Variants in MBOAT2 observed in about 807,000 individuals in gnomAD.
MBOAT2 encodes membrane bound glycerophospholipid O-acyltransferase 2, also known as membrane-bound glycerophospholipid O-acyltransferase 2.
In MBOAT2, 28 loss-of-function variants were observed where a neutral mutation model predicts 63.4. The ratio of observed to expected loss-of-function variants is 0.44; its 90% CI spans 0.33 to 0.61. MBOAT2 has a LOEUF of 0.61. MBOAT2 is among the 20% of genes least tolerant of loss of function. The pLI is 0.03. For missense variants in MBOAT2, 470 were observed against 605.8 expected, an observed-to-expected ratio of 0.78 and a Z score of 2.35; for synonymous variants, 211 against 215.6, an observed-to-expected ratio of 0.98 and a Z score of 0.19.
chr2:8,889,282 C>T (rs1289889652), intron 4 of MBOAT2, among the ~76,000 whole-genome samples: 2 of 152,192 alleles, frequency 1.3e-5, no homozygotes, highest in Non-Finnish European at 2.9e-5. Flanking sequence ...GGTCAGCAAA[C>T]GGCAGCAAGG....
rs374280551 is a variant in MBOAT2, at chr2:8,864,152, G to C, written c.1052+18C>G. 5.2e-6 allele frequency: 8 copies of C among 1,550,018 alleles called. No individual in the cohort carries two copies. The highest frequency in any genetic ancestry group is 7.0e-6 in the Non-Finnish European group (8 of 1,149,712). On this transcript the variant is annotated intron_variant, in intron 10 of 12. Coordinates refer to ENST00000305997, the MANE Select transcript of MBOAT2 (RefSeq NM_138799.4). Reference sequence around the variant, plus strand: ...AGACGCCAAAGCACATCTAAAGATCGTTTTTGAAGGAACGCACCTTTTGAG... The same window carrying C: ...AGACGCCAAAGCACATCTAAAGATCCTTTTTGAAGGAACGCACCTTTTGAG...
intron 3 of MBOAT2, among the ~76,000 whole-genome samples, chr2:8,932,680 C>G (rs1384478140): frequency 6.6e-6 from 1 of 152,050 alleles, no homozygotes; most frequent in African/African-American, 2.4e-5. Context: ...CTCAGTGTCC[C>G]CATCTGTACA....
rs532176676 is a variant in MBOAT2 at position 8,982,427 on chromosome 2, T to C, written c.75+21113A>G. Among the ~76,000 whole-genome samples the C allele has an allele frequency of 2.1e-4, 32 of 152,310 alleles. No homozygotes were observed. The South Asian group carries it at 5.8e-3, about 28-fold the overall frequency. ...CTAATTCATAAAAATCAATTCTAGT[T>C]CTTCGCGAACCTTGTCCAATATATA... On this transcript the variant is annotated intron_variant, in intron 1 of 12. Transcript: ENST00000305997.
chr2:8,922,374 C>T (rs1666639995), intron 3 of MBOAT2, among the ~76,000 whole-genome samples: 1 of 152,168 alleles, frequency 6.6e-6, no homozygotes, highest in South Asian at 2.1e-4. Context: ...CTGTTTTCCT[C>T]GTTTCTCTTA....
At position 8,979,510 on chromosome 2, in the gene MBOAT2, A is replaced by G. The variant is rs1671057643; in HGVS notation, c.76-20868T>C. On this transcript the variant is annotated intron_variant, in intron 1 of 12. Transcript: ENST00000305997. ...ACCGTGATTCTTATCTGTTTTGTTC[A>G]TTGTATCCCCCAGCACCTAGTCCCA... is the stretch of plus-strand genomic sequence containing the variant. Among the ~76,000 whole-genome samples, 3 of 152,034 alleles carry G rather than the reference A, an allele frequency of 2.0e-5. No individual in the cohort carries two copies. In the South Asian group the frequency reaches 6.2e-4, roughly 32 times the overall value.
intron 2 of MBOAT2, among the ~76,000 whole-genome samples, chr2:8,946,598 T>C (rs1465096933): frequency 6.6e-6 from 1 of 152,214 alleles, no homozygotes; most frequent in African/African-American, 2.4e-5. Context: ...TAGCACGTGC[T>C]GAGACTTCAT....
intron 3 of MBOAT2, among the ~76,000 whole-genome samples, chr2:8,914,522 G>C (rs934292352): frequency 4.0e-5 from 6 of 151,280 alleles, no homozygotes; most frequent in African/African-American, 7.3e-5. Flanking sequence ...TGTTTTGTGA[G>C]AATCAACGAG....
At chr2:8,995,800 C>T (rs1163128644) in intron 1 of MBOAT2, among the ~76,000 whole-genome samples, 1 of 152,068 alleles carries the variant, frequency 6.6e-6, no homozygotes, top group Non-Finnish European at 1.5e-5. Flanking sequence ...ACCGTGTTAG[C>T]CAGAATGGTC....
chr2:8,969,144 G>A (rs985618418), intron 1 of MBOAT2, among the ~76,000 whole-genome samples: 3 of 152,076 alleles, frequency 2.0e-5, no homozygotes, highest in South Asian at 2.1e-4. Flanking sequence ...ATCCACAAAG[G>A]GAAGCCCATC....
intron 4 of MBOAT2, among the ~76,000 whole-genome samples, chr2:8,906,209 A>T (rs531958873): frequency 2.2e-4 from 33 of 152,330 alleles, no homozygotes; most frequent in Non-Finnish European, 7.4e-5. Context: ...TTGGCCTCCC[A>T]AAGTGCTGGG....
chr2:8,925,171 A>G (rs1666850165), intron 3 of MBOAT2, among the ~76,000 whole-genome samples: 1 of 152,068 alleles, frequency 6.6e-6, no homozygotes, highest in African/African-American at 2.4e-5. Context: ...TCACACCCCA[A>G]TGCCAAGATC....
chr2:8,866,145 C>T (rs2148513758), intron 9 of MBOAT2, among the ~76,000 whole-genome samples: 1 of 152,266 alleles, frequency 6.6e-6, no homozygotes, highest in African/African-American at 2.4e-5. Flanking sequence ...TTTTTTCCTT[C>T]AGAAAAATTA....
At chr2:8,963,955 T>C (rs1048995427) in intron 1 of MBOAT2, among the ~76,000 whole-genome samples, 2 of 152,238 alleles carry the variant, frequency 1.3e-5, no homozygotes, top group African/African-American at 4.8e-5. Flanking sequence ...CACAGCCACC[T>C]TGCACAACCA....
At chr2:8,969,401 T>C (rs4383304) in intron 1 of MBOAT2, among the ~76,000 whole-genome samples, 133,773 of 152,248 alleles carry the variant, frequency 0.88, 58,880 homozygotes, top group East Asian at 0.96. Context: ...CAACCAGTAC[T>C]AGCCACTGCA....
intron 1 of MBOAT2, among the ~76,000 whole-genome samples, chr2:8,963,515 G>GCGGT (rs1669773925): frequency 6.6e-6 from 1 of 152,024 alleles, no homozygotes; most frequent in African/African-American, 2.4e-5. Flanking sequence ...TGTTGGTCAG[G>GCGGT]CGGTCTTGAA....
intron 1 of MBOAT2, among the ~76,000 whole-genome samples, chr2:8,984,683 G>GA (rs560129304): frequency 2.2e-3 from 331 of 152,122 alleles, no homozygotes; most frequent in African/African-American, 7.5e-3. Flanking sequence ...GAAGGGAAGA[G>GA]AAAAAACCAT....
intron 9 of MBOAT2, among the ~76,000 whole-genome samples, chr2:8,865,122 T>C (rs1029565330): frequency 6.6e-6 from 1 of 152,166 alleles, no homozygotes; most frequent in African/African-American, 2.4e-5. Context: ...TCACCTACAA[T>C]CCTGTTTTCC....
intron 8 of MBOAT2, among the ~76,000 whole-genome samples, chr2:8,870,215 C>A (rs1487202075): frequency 6.6e-6 from 1 of 152,138 alleles, no homozygotes; most frequent in East Asian, 1.9e-4. Flanking sequence ...GTGCTCAGAT[C>A]CCAGTAAATC....
chr2:8,866,881 T>G (rs972747095), intron 9 of MBOAT2, among the ~76,000 whole-genome samples: 1 of 152,212 alleles, frequency 6.6e-6, no homozygotes, highest in African/African-American at 2.4e-5. Flanking sequence ...CACACTTCAG[T>G]GATGGCCTGC....
Sources: allele counts gnomAD v4.1 joint callset (sites outside exome capture counted in the v4.1 genomes callset), GRCh38; gene constraint gnomAD v4.1.1; transcripts MANE v1.5; gene names NCBI Gene and HGNC (gene_info 2026-07-23, HGNC 2026-07-21).